The following CSMD1 variants were observed in gnomAD, a reference collection of about 807,000 sequenced individuals.
CSMD1 encodes CUB and Sushi multiple domains 1.
A neutral mutation model predicts 417.5 loss-of-function variants in CSMD1; 213 were observed. That is an observed-to-expected ratio of 0.51 (90% CI 0.46 to 0.57). The LOEUF (loss-of-function observed/expected upper bound fraction) is 0.57, where lower values mean the gene tolerates loss of function less well. CSMD1 is among the 20% of genes least tolerant of loss of function. The probability of loss-of-function intolerance (pLI) is 0.00; values close to 1 mark genes in which losing one functional copy is unlikely to be tolerated. For synonymous variants in CSMD1, 2,862 were observed against 1,736.8 expected (o/e 1.65, Z -16.11); for missense variants, 6,923 against 4,529.7 (o/e 1.53, Z -15.17).
Position 4,994,325 on chromosome 8 carries a change from G to A in CSMD1, c.85+7C>T, listed in dbSNP as rs375867841. 3 of 1,609,142 alleles carry A rather than the reference G, an allele frequency of 1.9e-6. No homozygotes were observed. The South Asian group carries it at 3.3e-5, about 18-fold the overall frequency. On this transcript the variant is annotated splice_region_variant and intron_variant, in intron 1 of 69. Coordinates refer to ENST00000635120, the MANE Select transcript of CSMD1 (RefSeq NM_033225.6). ...CGCCTCCCCGGCCAGGAGCAAGTCC[G>A]TCTTACCCTTCGCTGCAGTGAGGAG...
At chr8:3,475,015 G>A (rs1424778643) in intron 11 of CSMD1, among the ~76,000 whole-genome samples, 1 of 152,094 alleles carries the variant, frequency 6.6e-6, no homozygotes, top group African/African-American at 2.4e-5. Context: ...GGCGTGTTCA[G>A]CTCCAGCCAT....
At chr8:3,157,651 G>T (rs116246997) in intron 39 of CSMD1, among the ~76,000 whole-genome samples, 4 of 152,196 alleles carry the variant, frequency 2.6e-5, no homozygotes, top group African/African-American at 7.2e-5. Flanking sequence ...GGCCGTGAGC[G>T]GGCAGTCTTG....
chr8:3,641,873 A>G (rs1396451942), intron 7 of CSMD1, among the ~76,000 whole-genome samples: 2 of 152,232 alleles, frequency 1.3e-5, no homozygotes, highest in Non-Finnish European at 2.9e-5. Context: ...CTAACTTCAT[A>G]TAAGGTTTCG....
At chr8:3,077,676 C>A (rs191246124) in intron 49 of CSMD1, among the ~76,000 whole-genome samples, 153 of 152,378 alleles carry the variant, frequency 1.0e-3, no homozygotes, top group African/African-American at 3.5e-3. Flanking sequence ...CCCATCGGGG[C>A]CTTACCCACT....
At chr8:4,201,620 A>G (rs1218853533) in intron 3 of CSMD1, among the ~76,000 whole-genome samples, 1 of 149,940 alleles carries the variant, frequency 6.7e-6, no homozygotes, top group Admixed American at 6.6e-5. Context: ...ATTGAAATAT[A>G]AAATACAAAT....
chr8:4,309,667 A>G (rs910532522), intron 3 of CSMD1, among the ~76,000 whole-genome samples: 7 of 152,164 alleles, frequency 4.6e-5, no homozygotes, highest in African/African-American at 1.7e-4. Context: ...GTATTTGAGC[A>G]TATCACCTTA....
intron 6 of CSMD1, 35 bp downstream of exon 6, chr8:3,753,894 GT>G (rs748644859): frequency 0.033 from 34,564 of 1,063,128 alleles, 1 homozygote; most frequent in South Asian, 0.038. Context: ...ATTACGCTCT[GT>G]TTTTTTTTTT....
intron 43 of CSMD1, 87 bp from the exon 44 acceptor site, chr8:3,108,835 T>A: frequency 7.5e-7 from 1 of 1,336,132 alleles, no homozygotes; most frequent in Non-Finnish European, 1.0e-6. Flanking sequence ...ATTAATTTTT[T>A]TAATAAAAGC....
intron 10 of CSMD1, among the ~76,000 whole-genome samples, chr8:3,561,468 T>C (rs1025152630): frequency 6.6e-6 from 1 of 151,940 alleles, no homozygotes; most frequent in East Asian, 1.9e-4. Flanking sequence ...GATACATTTC[T>C]TGGCAATATG....
rs186597059 is a variant in CSMD1, at chr8:3,278,410, T to C, written c.4153+5734A>G. ...TCACACCTCTAATGCTTATTTCACA[T>C]GTTACTGACATAGAATCAAGTAAAA... On this transcript the variant is annotated intron_variant, in intron 26 of 69. Transcript: ENST00000635120. 5.4e-4 allele frequency: 82 copies of C among 152,324 alleles called. 1 individual carries two copies. The East Asian group carries it at 0.011, about 20-fold the overall frequency. The allele number at this position is 152,324 out of a possible 1,614,324, so 9.4% of individuals were successfully genotyped here.
chr8:3,818,631 A>G (rs1244880909), intron 5 of CSMD1, among the ~76,000 whole-genome samples: 1 of 152,198 alleles, frequency 6.6e-6, no homozygotes, highest in African/African-American at 2.4e-5. Context: ...ATGGGTCCCC[A>G]CAGCAAGGGA....
chr8:4,399,782 T>C (rs1453028965), intron 3 of CSMD1, among the ~76,000 whole-genome samples: 1 of 152,226 alleles, frequency 6.6e-6, no homozygotes, highest in East Asian at 1.9e-4. Flanking sequence ...GTGAGTCTAT[T>C]TCTAAAAGAT....
chr8:3,805,794 T>C (rs2129074474), intron 5 of CSMD1, among the ~76,000 whole-genome samples: 1 of 152,292 alleles, frequency 6.6e-6, no homozygotes, highest in East Asian at 1.9e-4. Context: ...AGTCATCTCA[T>C]TCACTCTGTG....
intron 23 of CSMD1, among the ~76,000 whole-genome samples, chr8:3,320,010 G>C (rs1426025045): frequency 1.3e-5 from 2 of 152,032 alleles, no homozygotes; most frequent in Admixed American, 6.6e-5. Flanking sequence ...GAATAGACCG[G>C]GCCCCAACTT....
In CSMD1 at chr8:3,630,349, A is replaced by G. The variant is rs183288195; in HGVS notation, c.1010-13552T>C. Reference sequence around the variant, plus strand: ...AGTGAATTTAAAAACCCTCTTGCCCAGTAAACAGCAGAAGCCAAGCCCTCA... The same window carrying G: ...AGTGAATTTAAAAACCCTCTTGCCCGGTAAACAGCAGAAGCCAAGCCCTCA... On this transcript the variant is annotated intron_variant, in intron 7 of 69. Coordinates refer to ENST00000635120, the MANE Select transcript of CSMD1 (RefSeq NM_033225.6). 4.3e-3 allele frequency among the ~76,000 whole-genome samples: 648 copies of G among 152,350 alleles called. 3 individuals are homozygous for G. Among genetic ancestry groups the G allele is most frequent in the African/African-American group, 0.015 (627 of 41,578 alleles).
At chr8:3,967,889 C>T (rs1021261192) in intron 5 of CSMD1, among the ~76,000 whole-genome samples, 3 of 151,388 alleles carry the variant, frequency 2.0e-5, no homozygotes, top group African/African-American at 4.9e-5. Flanking sequence ...CACAATTGGC[C>T]GGGCGCAGTG....
At chr8:4,008,289 CAAAT>C (rs1237164684) in intron 4 of CSMD1, among the ~76,000 whole-genome samples, 1 of 151,978 alleles carries the variant, frequency 6.6e-6, no homozygotes, top group Non-Finnish European at 1.5e-5. Flanking sequence ...ATTATTAAAA[CAAAT>C]ATAGTTATTC....
intron 3 of CSMD1, among the ~76,000 whole-genome samples, chr8:4,305,262 C>A (rs759108922): frequency 6.6e-6 from 1 of 152,188 alleles, no homozygotes; most frequent in Non-Finnish European, 1.5e-5. Context: ...TCGGCCATTT[C>A]CAATGCCTGG....
chr8:3,792,368 A>T (rs1003464682), intron 5 of CSMD1, among the ~76,000 whole-genome samples: 1 of 152,190 alleles, frequency 6.6e-6, no homozygotes, highest in Admixed American at 6.6e-5. Flanking sequence ...CATTATGATC[A>T]TTAATGTAGC....
Sources: allele counts gnomAD v4.1 joint callset (sites outside exome capture counted in the v4.1 genomes callset), GRCh38; gene constraint gnomAD v4.1.1; transcripts MANE v1.5; gene names NCBI Gene and HGNC (gene_info 2026-07-23, HGNC 2026-07-21).